The following GPR26 variants were observed in gnomAD, a reference collection of about 807,000 sequenced individuals.
GPR26 encodes G protein-coupled receptor 26.
A neutral mutation model predicts 23.1 loss-of-function variants in GPR26; 15 were observed. That is an observed-to-expected ratio of 0.65 (90% CI 0.43 to 1.00). The LOEUF (loss-of-function observed/expected upper bound fraction) is 1.00, where lower values mean the gene tolerates loss of function less well. Among genes scored for constraint, GPR26 ranks in the 50% least tolerant of loss-of-function variants. The pLI is 0.00. For synonymous variants in GPR26, 228 were observed against 222.1 expected, an observed-to-expected ratio of 1.03 and a Z score of -0.24; for missense variants, 359 against 470.5, an observed-to-expected ratio of 0.76 and a Z score of 2.19.
intron 1 of GPR26, among the ~76,000 whole-genome samples, chr10:123,667,966 C>G (rs1320671491): frequency 6.6e-6 from 1 of 152,162 alleles, no homozygotes; most frequent in African/African-American, 2.4e-5. Context: ...CAGCTGGCAG[C>G]GTCTGGACTC....
chr10:123,669,967 T>C (rs1845232295), intron 1 of GPR26, among the ~76,000 whole-genome samples: 1 of 152,226 alleles, frequency 6.6e-6, no homozygotes, highest in Non-Finnish European at 1.5e-5. Context: ...GGACTAGTTA[T>C]AGGCAGCCCC....
chr10:123,682,412 A>G (rs1246349112), intron 2 of GPR26, among the ~76,000 whole-genome samples: 2 of 152,312 alleles, frequency 1.3e-5, no homozygotes, highest in East Asian at 3.9e-4. Flanking sequence ...AGTGGGAAAC[A>G]TATTTGCAAA....
chr10:123,679,248 G>A (rs1402691395), intron 2 of GPR26, among the ~76,000 whole-genome samples: 2 of 152,192 alleles, frequency 1.3e-5, no homozygotes, highest in South Asian at 2.1e-4. Flanking sequence ...GGGAGGGTGA[G>A]CTGGTTGCAC....
chr10:123,695,037 C>T lies in GPR26; in HGVS notation c.*6877C>T, dbSNP rs1037280976. Among the ~76,000 whole-genome samples, 4 of 152,210 alleles carry T rather than the reference C, an allele frequency of 2.6e-5. No homozygotes were observed. Among genetic ancestry groups the T allele is most frequent in the African/African-American group, 9.6e-5 (4 of 41,458 alleles). ...AACGGAAAAATCCACACAGCAGAAA[C>T]AAGCAGTTGGCAAAAGCTGTCCTCA... On this transcript the variant is annotated 3_prime_UTR_variant, in exon 3 of 3. Transcript: ENST00000284674.
chr10:123,666,508 C>A lies in GPR26; in HGVS notation c.101C>A (p.Ala34Glu), dbSNP rs1377336098. Residue 34 changes from alanine to glutamate, a missense_variant, in exon 1 of 3, where the codon GCG becomes GAG. Ala to Glu is a moderately radical substitution (Grantham distance 107, BLOSUM62 -1). Transcript: ENST00000284674. The part of the protein sequence containing the change: ...ALVLLCLLHS[A>E]DIRRQAPALF... ...GTGCTGCTCTGCCTGCTGCACAGCG[C>A]GGACATCCGCCGCCAGGCGCCGGCG... The A allele has an allele frequency of 1.3e-6, 2 of 1,575,340 alleles. No homozygotes were observed. Among genetic ancestry groups the A allele is most frequent in the Non-Finnish European group, 8.6e-7 (1 of 1,164,818 alleles).
chr10:123,669,575 G>A (rs944170093), intron 1 of GPR26, among the ~76,000 whole-genome samples: 3 of 152,178 alleles, frequency 2.0e-5, no homozygotes, highest in Admixed American at 1.3e-4. Flanking sequence ...GACAGCAGCC[G>A]GAGTCTTTGC....
intron 2 of GPR26, among the ~76,000 whole-genome samples, chr10:123,679,094 A>G (rs943390322): frequency 7.2e-5 from 11 of 152,222 alleles, no homozygotes; most frequent in Admixed American, 5.2e-4. Context: ...CCAAGTGTAG[A>G]CATCACCAGT....
chr10:123,669,486 A>C (rs1845226820), intron 1 of GPR26, among the ~76,000 whole-genome samples: 3 of 152,170 alleles, frequency 2.0e-5, no homozygotes, highest in African/African-American at 7.2e-5. Flanking sequence ...TCTCAGGGCC[A>C]TTCGGTGCTG....
Position 123,695,449 on chromosome 10 carries a change from T to C in GPR26, c.*7289T>C, listed in dbSNP as rs1845533446. ...GGTTTCAAGAGCCTAAAATCTGTAT[T>C]TGGAGAGAGGAAGTCTACTCTTAAC... On this transcript the variant is annotated 3_prime_UTR_variant, in exon 3 of 3. Transcript: ENST00000284674. 6.6e-6 allele frequency among the ~76,000 whole-genome samples: 1 copy of C among 152,150 alleles called. No homozygotes were observed. Among genetic ancestry groups the C allele is most frequent in the Admixed American group, 6.5e-5 (1 of 15,280 alleles).
intron 2 of GPR26, 75 bp downstream of exon 2, chr10:123,675,006 C>G (rs1004234496): frequency 1.2e-6 from 1 of 852,328 alleles, no homozygotes; most frequent in Non-Finnish European, 1.9e-6. Flanking sequence ...GCAGTGGCAG[C>G]CTCTCTTGGC....
chr10:123,680,830 G>GC, intron 2 of GPR26, among the ~76,000 whole-genome samples: 1 of 120,392 alleles, frequency 8.3e-6, no homozygotes, highest in East Asian at 2.5e-4. Context: ...GTTTTTTTGG[G>GC]GGGGGGGGTT....
At position 123,666,974 on chromosome 10, in the gene GPR26, C is replaced by T. The variant is rs745910435; in HGVS notation, c.567C>T (p.Cys189=). 2.5e-6 allele frequency: 4 copies of T among 1,613,740 alleles called. No homozygotes were observed. The highest frequency in any genetic ancestry group is 3.4e-6 in the Non-Finnish European group (4 of 1,179,892). ...TCCTGCTCTCCTTCGTCGTGCTCTG[C>T]TGCACGTACCTCAAGGTGCTCAAGG... The part of the protein sequence containing the change: ...LSFLLSFVVL[C]CTYLKVLKVA... The change falls in exon 1 of 3, where the codon TGC becomes TGT. Residue 189 remains cysteine, a synonymous_variant. Transcript: ENST00000284674.
intron 2 of GPR26, among the ~76,000 whole-genome samples, chr10:123,686,431 T>C (rs1845430829): frequency 6.6e-6 from 1 of 152,138 alleles, no homozygotes; most frequent in Non-Finnish European, 1.5e-5. Context: ...AGAGGAGACA[T>C]AGCCACAGTC....
intron 1 of GPR26, among the ~76,000 whole-genome samples, chr10:123,673,671 C>T (rs963047827): frequency 2.0e-5 from 3 of 152,082 alleles, no homozygotes; most frequent in Admixed American, 1.3e-4. Flanking sequence ...GTGACTCCTT[C>T]AATGACCCCA....
At chr10:123,685,485 G>A (rs1399651022) in intron 2 of GPR26, among the ~76,000 whole-genome samples, 1 of 152,222 alleles carries the variant, frequency 6.6e-6, no homozygotes, top group Non-Finnish European at 1.5e-5. Flanking sequence ...AGCCGGGCCT[G>A]GAGGGGGCAT....
At position 123,689,064 on chromosome 10, in the gene GPR26, A is replaced by T. The variant is rs140176525; in HGVS notation, c.*904A>T. 3.2e-4 allele frequency: 49 copies of T among 152,306 alleles called. 1 individual carries two copies. The highest frequency in any genetic ancestry group is 1.1e-3 in the African/African-American group (47 of 41,574). The allele number at this position is 152,306 out of a possible 1,614,324, so 9.4% of individuals were successfully genotyped here. On this transcript the variant is annotated 3_prime_UTR_variant, in exon 3 of 3. Transcript: ENST00000284674. The stretch of plus-strand genomic sequence containing the variant: ...TGTTTCAACTTGTCTTATGCATCTT[A>T]TCTGGCATGTCCTGGGAGATGGATG...
At chr10:123,687,894 A>C in intron 2 of GPR26, 35 bp from the exon 3 acceptor site, 3 of 1,429,210 alleles carry the variant, frequency 2.1e-6, no homozygotes, top group Non-Finnish European at 3.0e-6. Context: ...GTGCTTAGCT[A>C]TGTCCTCATT....
intron 2 of GPR26, among the ~76,000 whole-genome samples, chr10:123,678,743 G>A (rs374104995): frequency 7.7e-4 from 117 of 152,300 alleles, no homozygotes; most frequent in South Asian, 2.7e-3. Context: ...ACCAGGGGCC[G>A]TCTGAGCCCC....
chr10:123,675,102 C>T (rs945102628), intron 2 of GPR26, among the ~76,000 whole-genome samples, 171 bp downstream of exon 2: 3 of 152,158 alleles, frequency 2.0e-5, no homozygotes, highest in Non-Finnish European at 4.4e-5. Flanking sequence ...CTTTTCCTCT[C>T]CACCCTCGAA....
Sources: allele counts gnomAD v4.1 joint callset (sites outside exome capture counted in the v4.1 genomes callset), GRCh38; gene constraint gnomAD v4.1.1; transcripts MANE v1.5; gene names NCBI Gene and HGNC (gene_info 2026-07-23, HGNC 2026-07-21).